LIN9: variants seen among roughly 807,000 people sequenced by gnomAD.
The protein encoded by LIN9 is lin-9 DREAM MuvB core complex component, also known as protein lin-9 homolog.
In LIN9, 18 loss-of-function variants were observed where a neutral mutation model predicts 78.0. The observed-to-expected ratio is 0.23, with a 90% CI of 0.16 to 0.34. LIN9 has a LOEUF of 0.34. Ranked by LOEUF, LIN9 falls within the 10% of genes least tolerant of loss-of-function variation. The probability of loss-of-function intolerance (pLI) is 1.00; values close to 1 mark genes in which losing one functional copy is unlikely to be tolerated. For synonymous variants in LIN9, 192 were observed against 215.2 expected (o/e 0.89, Z 0.94); for missense variants, 451 against 644.1 (o/e 0.70, Z 3.25).
intron 14 of LIN9, chr1:226,232,817 GAGA>G (rs1576264177): frequency 4.0e-6 from 2 of 500,694 alleles, no homozygotes; most frequent in African/African-American, 2.0e-5. Flanking sequence ...GGGCTGGAAG[GAGA>G]AGATGAGTCT....
Position 226,265,474 on chromosome 1 carries a change from TA to T in LIN9, c.1038+58del. 9.4e-7 allele frequency: 1 copy of T among 1,061,082 alleles called. No homozygotes were observed. The highest frequency in any genetic ancestry group is 1.4e-6 in the Non-Finnish European group (1 of 707,016). 65.7% of individuals were successfully genotyped at this position (1,061,082 alleles called of 1,614,324 possible). A position where few individuals can be genotyped will look rare whatever the true frequency, so the allele number is the denominator to read the frequency against. On this transcript the variant is annotated intron_variant, in intron 10 of 14. Transcript: ENST00000681046. This position sits in a 1 kb window ranked among gnomAD's most constrained non-coding sequence, Gnocchi z 4.1. ...GCCCTAGAAAAATTTTCAACTTTAA[TA>T]ACATAAAAGGCATTGAGTTTTTAAA... is the stretch of plus-strand genomic sequence containing the variant.
chr1:226,253,860 A>G (rs1302041544), intron 10 of LIN9, among the ~76,000 whole-genome samples: 2 of 152,150 alleles, frequency 1.3e-5, no homozygotes, highest in Non-Finnish European at 2.9e-5. Context: ...GTCTGCAATG[A>G]GCTAAGATCA....
At chr1:226,295,716 C>T in intron 4 of LIN9, 126 bp downstream of exon 4, 1 of 568,300 alleles carries the variant, frequency 1.8e-6, no homozygotes, top group Non-Finnish European at 3.1e-6. Flanking sequence ...AAAACAGGAC[C>T]AGAGCAGCCG....
intron 6 of LIN9, among the ~76,000 whole-genome samples, chr1:226,281,721 T>C (rs1280054278): frequency 6.7e-6 from 1 of 150,352 alleles, no homozygotes; most frequent in African/African-American, 2.5e-5. Flanking sequence ...TGATTTGGAG[T>C]CTCGCTCTGT....
At chr1:226,299,152 T>C (rs1004731126) in intron 2 of LIN9, among the ~76,000 whole-genome samples, 1 of 152,134 alleles carries the variant, frequency 6.6e-6, no homozygotes, top group South Asian at 2.1e-4. Context: ...TAGTGGCTCA[T>C]CAGCATTTTC....
intron 10 of LIN9, among the ~76,000 whole-genome samples, chr1:226,262,682 G>C (rs1242060391): frequency 6.6e-6 from 1 of 152,236 alleles, no homozygotes; most frequent in Admixed American, 6.5e-5. Flanking sequence ...ATTCACTGCT[G>C]CTGGGAATGC....
chr1:226,297,631 T>TC (rs397743868), intron 3 of LIN9, 88 bp downstream of exon 3: 26 of 872,506 alleles, frequency 3.0e-5, no homozygotes, highest in Non-Finnish European at 4.0e-5. Context: ...TGTAAATTTT[T>TC]TACTGTGCTG....
At chr1:226,304,605 G>C (rs1662783265) in intron 1 of LIN9, among the ~76,000 whole-genome samples, 1 of 151,968 alleles carries the variant, frequency 6.6e-6, no homozygotes, top group Admixed American at 6.6e-5. Flanking sequence ...GAGTACAGAC[G>C]GTTTCTCTGA....
intron 7 of LIN9, among the ~76,000 whole-genome samples, chr1:226,275,982 C>G (rs1215800555): frequency 6.7e-6 from 1 of 150,110 alleles, no homozygotes; most frequent in Non-Finnish European, 1.5e-5. Context: ...GAGCCGAGAT[C>G]ACACCACTGC....
intron 10 of LIN9, among the ~76,000 whole-genome samples, chr1:226,257,642 A>G (rs569060790): frequency 7.2e-5 from 11 of 152,274 alleles, no homozygotes; most frequent in African/African-American, 2.4e-4. Flanking sequence ...TAGGGCAACC[A>G]TTAAAGAAAG....
intron 4 of LIN9, among the ~76,000 whole-genome samples, chr1:226,291,210 T>C (rs1204485659): frequency 1.3e-5 from 2 of 152,240 alleles, no homozygotes; most frequent in South Asian, 2.1e-4. Context: ...TGCAGCATTA[T>C]TTGTCAAAGT....
intron 4 of LIN9, among the ~76,000 whole-genome samples, chr1:226,295,067 C>T (rs1000726931): frequency 2.0e-5 from 3 of 152,058 alleles, no homozygotes; most frequent in East Asian, 1.9e-4. Flanking sequence ...TTCCAAAGTG[C>T]TGTGATTATA....
At chr1:226,234,526 G>A (rs763504199) in intron 12 of LIN9, among the ~76,000 whole-genome samples, 3 of 152,072 alleles carry the variant, frequency 2.0e-5, no homozygotes, top group Non-Finnish European at 4.4e-5. Context: ...TTTTTGACAC[G>A]TCCCCGTAAT....
chr1:226,303,483 G>C (rs1478386745), intron 1 of LIN9, among the ~76,000 whole-genome samples: 3 of 152,238 alleles, frequency 2.0e-5, no homozygotes, highest in Non-Finnish European at 4.4e-5. Flanking sequence ...TGCTTAAGCA[G>C]AGATCTGAAG....
intron 1 of LIN9, among the ~76,000 whole-genome samples, chr1:226,302,675 G>T (rs1449715340): frequency 1.3e-5 from 2 of 151,884 alleles, no homozygotes; most frequent in African/African-American, 4.8e-5. Flanking sequence ...TAATAATTAA[G>T]GATGATCTCA....
At chr1:226,298,941 A>C (rs781781186) in intron 2 of LIN9, among the ~76,000 whole-genome samples, 16 of 152,208 alleles carry the variant, frequency 1.1e-4, no homozygotes, top group South Asian at 2.1e-4. Flanking sequence ...TGTTTTCCTT[A>C]ATTCAGAGAA....
upstream of LIN9, chr1:226,309,436 C>T: frequency 9.7e-7 from 1 of 1,032,220 alleles, no homozygotes. Flanking sequence ...GCGGGGGGAG[C>T]AGTACCAGCT....
chr1:226,281,804 C>T (rs1661081567), intron 6 of LIN9, among the ~76,000 whole-genome samples: 1 of 151,800 alleles, frequency 6.6e-6, no homozygotes. Flanking sequence ...AGCAATTCTC[C>T]TGCCTCAGCC....
chr1:226,269,584 C>T (rs188203523), intron 7 of LIN9, among the ~76,000 whole-genome samples: 5 of 152,218 alleles, frequency 3.3e-5, no homozygotes, highest in Non-Finnish European at 7.3e-5. Context: ...CCAACGTGGT[C>T]GATGAGAATG....
Sources: allele counts gnomAD v4.1 joint callset (sites outside exome capture counted in the v4.1 genomes callset), GRCh38; gene constraint gnomAD v4.1.1; non-coding constraint Gnocchi (gnomAD v3.1); transcripts MANE v1.5; gene names NCBI Gene and HGNC (gene_info 2026-07-23, HGNC 2026-07-21).